Variants in MARK4 observed in about 807,000 individuals in gnomAD.
MARK4 encodes the protein MAP/microtubule affinity-regulating kinase 4.
MARK4 carries 19 observed loss-of-function variants against 81.5 expected under a neutral mutation model. That is an observed-to-expected ratio of 0.23 (90% CI 0.16 to 0.34). MARK4 has a LOEUF of 0.34. Among genes scored for constraint, MARK4 ranks in the 10% least tolerant of loss-of-function variants. The pLI, the probability that MARK4 is intolerant of heterozygous loss-of-function variation, is 1.00. For missense variants in MARK4, 772 were observed against 1,058.8 expected (o/e 0.73, Z 3.76); for synonymous variants, 436 against 439.0 (o/e 0.99, Z 0.08).
intron 7 of MARK4, among the ~76,000 whole-genome samples, chr19:45,268,677 T>C (rs1266046267): frequency 6.6e-6 from 1 of 151,646 alleles, no homozygotes; most frequent in Admixed American, 6.6e-5. Context: ...CCCAGGAGGT[T>C]GAGGCTGCAG....
chr19:45,297,554 T>C (rs1317522479), intron 14 of MARK4, 122 bp from the exon 15 acceptor site: 2 of 617,564 alleles, frequency 3.2e-6, no homozygotes, highest in East Asian at 5.6e-5. Context: ...GTTGCAGCCC[T>C]GTCTCTGAGT....
In MARK4 at chr19:45,267,012, A is replaced by G. The variant is rs112162465; in HGVS notation, c.549+731A>G. Among the ~76,000 whole-genome samples the G allele has an allele frequency of 1.8e-4, 28 of 152,130 alleles. 1 individual carries two copies. The highest frequency in any genetic ancestry group is 3.1e-4 in the African/African-American group (13 of 41,512). On this transcript the variant is annotated intron_variant, in intron 7 of 16. Transcript: ENST00000262891. ...CTCCCAAAGTGCTGGGATTACAGGCATGAGCCACGGCACCTGGCCGGGAAT... is the reference window on the plus strand; with the variant it reads ...CTCCCAAAGTGCTGGGATTACAGGCGTGAGCCACGGCACCTGGCCGGGAAT...
Position 45,280,752 on chromosome 19 carries a change from G to T in MARK4, c.1276+18G>T, listed in dbSNP as rs199677676. 1 of 1,613,162 alleles carries T rather than the reference G, an allele frequency of 6.2e-7. No homozygotes were observed. The highest frequency in any genetic ancestry group is 8.5e-7 in the Non-Finnish European group (1 of 1,179,418). Reference sequence around the variant, plus strand: ...CGATTTCTGTGAGTATCAACCCCACGCCCTCACGCACCCTCCTTCTCCCCA... The same window carrying T: ...CGATTTCTGTGAGTATCAACCCCACTCCCTCACGCACCCTCCTTCTCCCCA... On this transcript the variant is annotated intron_variant, in intron 12 of 16. Coordinates refer to ENST00000262891, the MANE Select transcript of MARK4 (RefSeq NM_001199867.2).
At chr19:45,301,788 C>T (rs2123117566) in intron 16 of MARK4, among the ~76,000 whole-genome samples, 1 of 151,222 alleles carries the variant, frequency 6.6e-6, no homozygotes, top group East Asian at 1.9e-4. Flanking sequence ...TCGCTTCAAC[C>T]CAGGAGGCGG....
intron 12 of MARK4, among the ~76,000 whole-genome samples, 169 bp from the exon 13 acceptor site, chr19:45,287,278 G>A (rs1174126163): frequency 6.6e-6 from 1 of 151,822 alleles, no homozygotes; most frequent in South Asian, 2.1e-4. Context: ...GAGTTTCTAA[G>A]TCAGTATATG....
chr19:45,263,189 G>A (rs758513752), intron 3 of MARK4, 23 bp downstream of exon 3: 7 of 1,611,618 alleles, frequency 4.3e-6, no homozygotes, highest in Non-Finnish European at 3.4e-6. Flanking sequence ...AGACGGGGGA[G>A]AGCAGGAGCC....
chr19:45,277,298 G>A (rs867407727), intron 8 of MARK4, among the ~76,000 whole-genome samples: 4 of 151,754 alleles, frequency 2.6e-5, no homozygotes, highest in African/African-American at 9.7e-5. Flanking sequence ...GGCTGGTCTC[G>A]AACTCCTGAC....
intron 7 of MARK4, among the ~76,000 whole-genome samples, chr19:45,267,444 G>GT (rs1568493121): frequency 6.6e-6 from 1 of 152,192 alleles, no homozygotes; most frequent in African/African-American, 2.4e-5. Context: ...CTACCTGTAG[G>GT]AGCTGAGCCA....
intron 12 of MARK4, among the ~76,000 whole-genome samples, chr19:45,285,207 C>T (rs564332183): frequency 4.7e-5 from 7 of 149,432 alleles, no homozygotes; most frequent in African/African-American, 1.7e-4. Flanking sequence ...TGCAATGAGT[C>T]CAGATCGTGC....
chr19:45,293,929 A>AG (rs1244119731), intron 13 of MARK4, among the ~76,000 whole-genome samples: 2 of 152,184 alleles, frequency 1.3e-5, no homozygotes, highest in African/African-American at 4.8e-5. Flanking sequence ...GGGAAAAGGT[A>AG]GGAGTAATGT....
Position 45,271,424 on chromosome 19 carries a change from G to C in MARK4, c.550-48G>C. 6.3e-7 allele frequency: 1 copy of C among 1,582,950 alleles called. No homozygotes were observed. The highest frequency in any genetic ancestry group is 8.6e-7 in the Non-Finnish European group (1 of 1,157,448). On this transcript the variant is annotated intron_variant, in intron 7 of 16. Transcript: ENST00000262891. This position sits in a 1 kb window ranked among gnomAD's most constrained non-coding sequence, Gnocchi z 4.1. ...TGTCTGCCTCCCACGTCCATGAAAG[G>C]CTTTGGCCTTGAGTCCCACTTTCCG...
At chr19:45,268,176 C>T in intron 7 of MARK4, among the ~76,000 whole-genome samples, 1 of 152,170 alleles carries the variant, frequency 6.6e-6, no homozygotes, top group East Asian at 1.9e-4. Flanking sequence ...GGCGCAGTCT[C>T]ACACCTATAA....
chr19:45,274,143 G>A (rs1219476212), intron 8 of MARK4, among the ~76,000 whole-genome samples: 1 of 152,174 alleles, frequency 6.6e-6, no homozygotes, highest in East Asian at 1.9e-4. Context: ...CAGCCACTCG[G>A]GTGGCTGAGG....
chr19:45,280,215 C>T, intron 10 of MARK4, 159 bp from the exon 11 acceptor site: 1 of 644,702 alleles, frequency 1.6e-6, no homozygotes, highest in Non-Finnish European at 2.7e-6. Context: ...GTGGGAGGAT[C>T]AGCAGAGCCT....
rs763202566 is a variant in MARK4 at position 45,294,377 on chromosome 19, G to A, written c.1523G>A (p.Arg508His). The A allele has an allele frequency of 8.7e-6, 14 of 1,614,034 alleles. No individual in the cohort carries two copies. The highest frequency in any genetic ancestry group is 1.0e-5 in the Non-Finnish European group (12 of 1,179,994). ...PNNLPPSMMT[R>H]RNTYVCTERP... ...AACCTCCCTCCTAGCATGATGACCCGCAGAAACACCTACGTTTGCACAGAA... is the reference window on the plus strand; with the variant it reads ...AACCTCCCTCCTAGCATGATGACCCACAGAAACACCTACGTTTGCACAGAA... Residue 508 changes from arginine (R) to histidine (H), a missense_variant, in exon 14 of 17, where the codon CGC (arginine) becomes CAC (histidine). Transcript: ENST00000262891.
At chr19:45,298,602 G>C (rs1238070234) in intron 15 of MARK4, among the ~76,000 whole-genome samples, 3 of 152,188 alleles carry the variant, frequency 2.0e-5, no homozygotes, top group Non-Finnish European at 2.9e-5. Context: ...ATTATTCATT[G>C]AGCCCCTACT....
Position 45,277,826 on chromosome 19 carries a change from TGTGTG to T in MARK4, c.787-96_787-92del, listed in dbSNP as rs1568496765. ...ATCAAAGGGGTTGGGACAAAGGTTG[TGTGTG>T]TGTGTGTGTGTGTGTGTGTGTGTGT... On this transcript the variant is annotated intron_variant, in intron 8 of 16. Transcript: ENST00000262891. 3.3e-4 allele frequency: 38 copies of T among 114,140 alleles called. No homozygotes were observed. In the East Asian group the frequency reaches 0.012, roughly 36 times the overall value. 7.1% of individuals were successfully genotyped at this position (114,140 alleles called of 1,614,324 possible).
chr19:45,287,751 G>C, intron 13 of MARK4, 87 bp downstream of exon 13: 1 of 1,434,058 alleles, frequency 7.0e-7, no homozygotes, highest in Non-Finnish European at 9.6e-7. Context: ...TCCCCAGACG[G>C]AACTCCTTCT....
rs185290584 is a variant in MARK4 at position 45,274,822 on chromosome 19, C to A, written c.787-3101C>A. 3.7e-4 allele frequency among the ~76,000 whole-genome samples: 56 copies of A among 152,266 alleles called. 1 individual carries two copies. The East Asian group carries it at 0.011, about 29-fold the overall frequency. ...TTGTCACTTTCTGCCATCCTGGTGT[C>A]CCCACCAGGCACCCCAGGCCTTGCT... On this transcript the variant is annotated intron_variant, in intron 8 of 16. Transcript: ENST00000262891.
Sources: gnomAD v4.1 joint callset for allele counts (sites outside exome capture counted in the v4.1 genomes callset) on GRCh38, gnomAD v4.1.1 for gene constraint, Gnocchi (gnomAD v3.1) non-coding constraint, MANE v1.5 for transcripts, NCBI Gene and HGNC (gene_info 2026-07-23, HGNC 2026-07-21) for gene names.